TAFA1: variants seen among roughly 807,000 people sequenced by gnomAD.
The protein encoded by TAFA1 is chemokine-like protein TAFA-1.
Under a neutral mutation model 18.5 loss-of-function variants are expected in TAFA1, and 4 were observed. The ratio of observed to expected loss-of-function variants is 0.22; its 90% CI spans 0.11 to 0.49. TAFA1 has a LOEUF of 0.49. Ranked by LOEUF, TAFA1 falls within the 20% of genes least tolerant of loss-of-function variation. The pLI is 0.98. For synonymous variants in TAFA1, 56 were observed against 55.2 expected, an observed-to-expected ratio of 1.01 and a Z score of -0.06; for missense variants, 147 against 169.0, an observed-to-expected ratio of 0.87 and a Z score of 0.72.
intron 2 of TAFA1, among the ~76,000 whole-genome samples, chr3:68,222,010 CTG>C (rs1330092860): frequency 3.9e-5 from 6 of 152,164 alleles, no homozygotes; most frequent in Non-Finnish European, 8.8e-5. Flanking sequence ...AGATGAATAA[CTG>C]TTGGATCTGA....
intron 2 of TAFA1, among the ~76,000 whole-genome samples, chr3:68,121,738 T>C (rs1055643502): frequency 7.9e-5 from 12 of 152,226 alleles, no homozygotes; most frequent in African/African-American, 1.4e-4. Flanking sequence ...CATCTAGATC[T>C]ATCAAAACGT....
At chr3:68,213,620 T>A (rs143439913) in intron 2 of TAFA1, among the ~76,000 whole-genome samples, 1 of 152,214 alleles carries the variant, frequency 6.6e-6, no homozygotes, top group East Asian at 1.9e-4. Flanking sequence ...TCATCAAGAC[T>A]GTGTGGATTC....
At chr3:68,399,872 A>G (rs1460940772) in intron 2 of TAFA1, among the ~76,000 whole-genome samples, 1 of 152,178 alleles carries the variant, frequency 6.6e-6, no homozygotes, top group Non-Finnish European at 1.5e-5. Flanking sequence ...CATTGGATCT[A>G]GTGCTCAAAG....
At chr3:68,488,184 G>A (rs62245848) in intron 3 of TAFA1, among the ~76,000 whole-genome samples, 33,736 of 152,134 alleles carry the variant, frequency 0.22, 4,072 homozygotes, top group Admixed American at 0.28. Flanking sequence ...ACAATAGGCC[G>A]TCTGCAAGCT....
At chr3:68,208,777 C>T (rs2066558602) in intron 2 of TAFA1, among the ~76,000 whole-genome samples, 2 of 152,096 alleles carry the variant, frequency 1.3e-5, no homozygotes, top group South Asian at 4.1e-4. Context: ...TGCAGAATTT[C>T]CTCCAAGTTG....
intron 2 of TAFA1, among the ~76,000 whole-genome samples, chr3:68,347,891 C>T (rs144649882): frequency 4.6e-5 from 7 of 152,196 alleles, no homozygotes; most frequent in African/African-American, 1.7e-4. Flanking sequence ...GTCTTTTCTC[C>T]TACTGGATTC....
At chr3:68,217,457 A>G (rs1165659861) in intron 2 of TAFA1, among the ~76,000 whole-genome samples, 1 of 152,126 alleles carries the variant, frequency 6.6e-6, no homozygotes, top group Non-Finnish European at 1.5e-5. Context: ...CAAGAAGACT[A>G]AAGAGACAGA....
chr3:68,276,965 A>C (rs2067809205), intron 2 of TAFA1, among the ~76,000 whole-genome samples: 1 of 152,162 alleles, frequency 6.6e-6, no homozygotes, highest in Non-Finnish European at 1.5e-5. Context: ...AGTCAAGTAT[A>C]CAAGAGGAAA....
At chr3:68,113,217 G>A (rs977884824) in intron 2 of TAFA1, among the ~76,000 whole-genome samples, 3 of 152,140 alleles carry the variant, frequency 2.0e-5, no homozygotes, top group African/African-American at 7.2e-5. Flanking sequence ...TGTGAGGATA[G>A]GCAAAGATTG....
intron 2 of TAFA1, among the ~76,000 whole-genome samples, chr3:68,308,516 A>AGCTTTT (rs1468032712): frequency 6.6e-6 from 1 of 152,166 alleles, no homozygotes; most frequent in East Asian, 1.9e-4. Context: ...AGCTTCTTAT[A>AGCTTTT]AGTACCACAT....
At chr3:68,253,087 G>A (rs1438753439) in intron 2 of TAFA1, among the ~76,000 whole-genome samples, 1 of 152,056 alleles carries the variant, frequency 6.6e-6, no homozygotes, top group African/African-American at 2.4e-5. Flanking sequence ...CCACTCTTGG[G>A]TATGTCTTTA....
intron 2 of TAFA1, among the ~76,000 whole-genome samples, chr3:68,317,749 A>C (rs1176556647): frequency 6.6e-6 from 1 of 152,198 alleles, no homozygotes; most frequent in Non-Finnish European, 1.5e-5. Flanking sequence ...AAGTACAATT[A>C]AAGTTACTCA....
intron 2 of TAFA1, among the ~76,000 whole-genome samples, chr3:68,058,316 A>T (rs550360810): frequency 9.3e-4 from 141 of 152,350 alleles, no homozygotes; most frequent in African/African-American, 3.3e-3. Flanking sequence ...TAATTTAGAA[A>T]ATGCATTTAA....
chr3:68,188,047 A>T (rs906250315), intron 2 of TAFA1, among the ~76,000 whole-genome samples: 7 of 152,002 alleles, frequency 4.6e-5, no homozygotes, highest in Non-Finnish European at 1.0e-4. Context: ...GTTATTTTAT[A>T]TTCTGAATAT....
chr3:68,089,545 A>G (rs2065008436), intron 2 of TAFA1, among the ~76,000 whole-genome samples: 1 of 152,166 alleles, frequency 6.6e-6, no homozygotes, highest in South Asian at 2.1e-4. Context: ...GGCAAATACC[A>G]GACATTTATT....
chr3:68,150,362 T>G (rs1479150779), intron 2 of TAFA1, among the ~76,000 whole-genome samples: 2 of 152,234 alleles, frequency 1.3e-5, no homozygotes, highest in African/African-American at 4.8e-5. Context: ...TGATTATCCT[T>G]GAAGAACATG....
intron 2 of TAFA1, among the ~76,000 whole-genome samples, chr3:68,251,813 C>T (rs1425220977): frequency 1.3e-5 from 2 of 152,160 alleles, no homozygotes; most frequent in Non-Finnish European, 2.9e-5. Flanking sequence ...GGAAAAAACA[C>T]TGGGTTTCTT....
intron 2 of TAFA1, chr3:68,247,653 G>C (rs1352904394): frequency 6.6e-6 from 1 of 152,202 alleles, no homozygotes; most frequent in Non-Finnish European, 1.5e-5. Flanking sequence ...TTTCACTTTT[G>C]CAAGTTCCTT....
intron 2 of TAFA1, among the ~76,000 whole-genome samples, chr3:68,233,016 G>A (rs1023589487): frequency 2.0e-5 from 3 of 152,082 alleles, no homozygotes; most frequent in African/African-American, 7.2e-5. Flanking sequence ...GCCAGCATTT[G>A]TTAATTTTTG....
Sources: gnomAD v4.1 joint callset for allele counts (sites outside exome capture counted in the v4.1 genomes callset) on GRCh38, gnomAD v4.1.1 for gene constraint, MANE v1.5 for transcripts, NCBI Gene and HGNC (gene_info 2026-07-23, HGNC 2026-07-21) for gene names.